The following EML4 variants were observed in gnomAD, a reference collection of about 807,000 sequenced individuals.
EML4 encodes echinoderm microtubule-associated protein-like 4.
Under a neutral mutation model 129.0 loss-of-function variants are expected in EML4, and 72 were observed. That is an observed-to-expected ratio of 0.56 (90% CI 0.46 to 0.68). The LOEUF is 0.68. EML4 is among the 30% of genes least tolerant of loss of function. EML4 has a pLI of 0.00. For missense variants in EML4, 1,363 were observed against 1,190.6 expected, an observed-to-expected ratio of 1.14 and a Z score of -2.13; for synonymous variants, 532 against 405.0, an observed-to-expected ratio of 1.31 and a Z score of -3.77.
chr2:42,174,277 A>G (rs1471596703), intron 1 of EML4, among the ~76,000 whole-genome samples: 4 of 152,070 alleles, frequency 2.6e-5, no homozygotes, highest in Non-Finnish European at 4.4e-5. Context: ...AAGATTCCCA[A>G]ATCTATAGTA....
chr2:42,233,571 TGCTG>T (rs980837069), intron 1 of EML4, among the ~76,000 whole-genome samples: 6 of 152,136 alleles, frequency 3.9e-5, no homozygotes, highest in African/African-American at 1.4e-4. Flanking sequence ...CCTCCCAAAG[TGCTG>T]GGATTACAGG....
At chr2:42,201,495 C>G (rs1672231780) in intron 1 of EML4, among the ~76,000 whole-genome samples, 1 of 152,192 alleles carries the variant, frequency 6.6e-6, no homozygotes, top group Admixed American at 6.5e-5. Context: ...AGTCCCACTT[C>G]TGAGTATATA....
At chr2:42,280,198 C>A (rs1353714477) in intron 6 of EML4, among the ~76,000 whole-genome samples, 1 of 152,198 alleles carries the variant, frequency 6.6e-6, no homozygotes, top group African/African-American at 2.4e-5. Flanking sequence ...AGAAAAACTG[C>A]TGTCACAAAA....
At chr2:42,244,101 G>GTTTTTTTTTTTTTTTTTTTTTTTTTTGTT (rs147426155) in intron 1 of EML4, among the ~76,000 whole-genome samples, 1 of 81,366 alleles carries the variant, frequency 1.2e-5, no homozygotes, top group African/African-American at 3.5e-5. Flanking sequence ...TTTGTTTTTT[G>GTTTTTTTTTTTTTTTTTTTTTTTTTTGTT]TTTTTTTTTT....
At chr2:42,236,846 G>A (rs756004356) in intron 1 of EML4, among the ~76,000 whole-genome samples, 9 of 152,056 alleles carry the variant, frequency 5.9e-5, no homozygotes, top group Non-Finnish European at 1.3e-4. Flanking sequence ...TACGTTTTTG[G>A]CCAGTCTGGT....
At position 42,284,659 on chromosome 2, in the gene EML4, A is replaced by C. The variant is rs1443090893; in HGVS notation, c.967A>C (p.Arg323=). The C allele has an allele frequency of 6.2e-7, 1 of 1,612,866 alleles. No homozygotes were observed. The highest frequency in any genetic ancestry group is 1.1e-5 in the South Asian group (1 of 90,866). ...CCTTGCTATACATCCTGACAAAATT[A>C]GGATTGCAACTGGACAGATAGCTGG... ...KCLAIHPDKI[R]IATGQIAGVD... The change falls in exon 9 of 23, where the codon AGG becomes CGG. Residue 323 remains arginine, a synonymous_variant. Coordinates refer to ENST00000318522, the MANE Select transcript of EML4 (RefSeq NM_019063.5).
intron 2 of EML4, among the ~76,000 whole-genome samples, chr2:42,248,677 C>G (rs1558538757): frequency 1.3e-5 from 2 of 151,996 alleles, no homozygotes; most frequent in Non-Finnish European, 2.9e-5. Context: ...AATAACCTTA[C>G]TAATTAGAGA....
intron 1 of EML4, among the ~76,000 whole-genome samples, chr2:42,231,611 A>G (rs1381584991): frequency 1.3e-5 from 2 of 152,206 alleles, no homozygotes; most frequent in Non-Finnish European, 2.9e-5. Flanking sequence ...TATGTAATCA[A>G]TGACCATATT....
At chr2:42,313,581 T>A (rs980626092) in intron 17 of EML4, among the ~76,000 whole-genome samples, 1 of 152,096 alleles carries the variant, frequency 6.6e-6, no homozygotes, top group Non-Finnish European at 1.5e-5. Flanking sequence ...TCTTTTAATT[T>A]AAGAGGGAAA....
At chr2:42,320,050 C>G (rs1408341531) in intron 19 of EML4, 2 of 152,154 alleles carry the variant, frequency 1.3e-5, no homozygotes, top group Non-Finnish European at 2.9e-5. Flanking sequence ...CACAGTAGCT[C>G]TCTTTATGTG....
At chr2:42,193,459 T>C (rs2719135) in intron 1 of EML4, among the ~76,000 whole-genome samples, 43,090 of 152,128 alleles carry the variant, frequency 0.28, 6,678 homozygotes, top group East Asian at 0.56. Flanking sequence ...TGTGATTGTT[T>C]AGACTGACAG....
At position 42,303,135 on chromosome 2, in the gene EML4, T is replaced by C; in HGVS notation, c.1673T>C (p.Val558Ala). ...VPDQYGTIRAVAEGKADQFLV... is the reference protein window; with the variant it reads ...VPDQYGTIRAAAEGKADQFLV... ...GATCAGTATGGCACAATCAGAGCTG[T>C]AGCAGAAGGAAAGGCAGATCAATTT... The change falls in exon 15 of 23, where the codon GTA becomes GCA. Residue 558 changes from valine to alanine, a missense_variant. Transcript: ENST00000318522. 3 of 1,614,162 alleles carry C rather than the reference T, an allele frequency of 1.9e-6. No homozygotes were observed. The highest frequency in any genetic ancestry group is 2.5e-6 in the Non-Finnish European group (3 of 1,180,024).
At chr2:42,255,125 G>A (rs1464224482) in intron 2 of EML4, among the ~76,000 whole-genome samples, 4 of 150,794 alleles carry the variant, frequency 2.7e-5, no homozygotes, top group East Asian at 1.9e-4. Context: ...TTGCTCTGTC[G>A]CCCAGGCTGG....
chr2:42,185,828 G>A (rs557986949), intron 1 of EML4, among the ~76,000 whole-genome samples: 1 of 152,238 alleles, frequency 6.6e-6, no homozygotes, highest in East Asian at 1.9e-4. Flanking sequence ...GAATATCAGT[G>A]TGGAGTTTTT....
intron 1 of EML4, among the ~76,000 whole-genome samples, chr2:42,184,487 A>G (rs1671131539): frequency 1.3e-5 from 2 of 149,072 alleles, no homozygotes; most frequent in African/African-American, 2.5e-5. Context: ...AAACTCTAGT[A>G]TGGTGTCCAA....
chr2:42,266,426 C>T (rs1666068985), intron 6 of EML4, among the ~76,000 whole-genome samples: 4 of 152,126 alleles, frequency 2.6e-5, no homozygotes, highest in Admixed American at 2.6e-4. Flanking sequence ...CTCACTGCAG[C>T]CTTGGCCTCC....
chr2:42,200,037 C>G (rs949198764), intron 1 of EML4, among the ~76,000 whole-genome samples: 1 of 151,178 alleles, frequency 6.6e-6, no homozygotes, highest in Admixed American at 6.6e-5. Context: ...CGGCCAGGCG[C>G]GGTGGCTGAC....
intron 6 of EML4, among the ~76,000 whole-genome samples, chr2:42,268,226 T>C (rs550172230): frequency 1.3e-5 from 2 of 152,312 alleles, no homozygotes; most frequent in South Asian, 4.1e-4. Flanking sequence ...ATAAACTTTT[T>C]TTTGTCATAA....
intron 3 of EML4, 68 bp downstream of exon 3, chr2:42,256,698 T>G (rs749408160): frequency 6.4e-7 from 1 of 1,566,884 alleles, no homozygotes; most frequent in Non-Finnish European, 8.7e-7. Flanking sequence ...AGATCTCCCT[T>G]TAGAAAGAAT....
Sources: allele counts gnomAD v4.1 joint callset (sites outside exome capture counted in the v4.1 genomes callset), GRCh38; gene constraint gnomAD v4.1.1; transcripts MANE v1.5; gene names NCBI Gene and HGNC (gene_info 2026-07-23, HGNC 2026-07-21).